CAMK2B: variants seen among roughly 807,000 people sequenced by gnomAD.
The protein encoded by CAMK2B is calcium/calmodulin-dependent protein kinase type II subunit beta.
CAMK2B carries 27 observed loss-of-function variants against 93.7 expected under a neutral mutation model. The ratio of observed to expected loss-of-function variants is 0.29; its 90% CI spans 0.21 to 0.40. The LOEUF is 0.40. Among genes scored for constraint, CAMK2B ranks in the 10% least tolerant of loss-of-function variants. The pLI is 1.00. For synonymous variants in CAMK2B, 374 were observed against 358.8 expected (o/e 1.04, Z -0.48); for missense variants, 568 against 895.8 (o/e 0.63, Z 4.67).
chr7:44,294,628 T>C, intron 1 of CAMK2B, among the ~76,000 whole-genome samples: 1 of 152,182 alleles, frequency 6.6e-6, no homozygotes, highest in Non-Finnish European at 1.5e-5. Flanking sequence ...CAGTCCCTCC[T>C]GATTTGTACA....
intron 2 of CAMK2B, among the ~76,000 whole-genome samples, chr7:44,270,057 T>G (rs1181000248): frequency 6.6e-6 from 1 of 151,192 alleles, no homozygotes; most frequent in African/African-American, 2.4e-5. Context: ...TGACACAGGG[T>G]GGGTGCTCAA....
intron 1 of CAMK2B, among the ~76,000 whole-genome samples, chr7:44,294,504 G>A (rs1787754712): frequency 6.6e-6 from 1 of 152,170 alleles, no homozygotes; most frequent in South Asian, 2.1e-4. Flanking sequence ...CCCTGTGATT[G>A]ATTGGCAATG....
intron 2 of CAMK2B, among the ~76,000 whole-genome samples, chr7:44,265,848 T>A (rs538500762): frequency 1.3e-5 from 2 of 152,106 alleles, no homozygotes; most frequent in South Asian, 4.2e-4. Flanking sequence ...TCCCAGCAGC[T>A]GCAGTAAGTT....
At chr7:44,319,264 C>T (rs377595818) in intron 1 of CAMK2B, among the ~76,000 whole-genome samples, 1 of 152,132 alleles carries the variant, frequency 6.6e-6, no homozygotes, top group Non-Finnish European at 1.5e-5. Flanking sequence ...GGTGGCATCA[C>T]GGAACACAGG....
rs889600459 is a variant in CAMK2B at position 44,299,642 on chromosome 7, A to T, written c.66-15417T>A. ...GAACTGTCTACATTAATTAGAGAAA[A>T]CAATCATTTTAGGATCAATAATTTG... On this transcript the variant is annotated intron_variant, in intron 1 of 23. Transcript: ENST00000395749. Among the ~76,000 whole-genome samples, 16 of 152,318 alleles carry T rather than the reference A, an allele frequency of 1.1e-4. No individual in the cohort carries two copies. In the South Asian group the frequency reaches 3.3e-3, roughly 32 times the overall value.
intron 1 of CAMK2B, among the ~76,000 whole-genome samples, chr7:44,299,921 T>G (rs961846258): frequency 2.0e-5 from 3 of 152,060 alleles, no homozygotes; most frequent in Non-Finnish European, 4.4e-5. Context: ...TACCATAATT[T>G]AAAAAAGTAA....
Position 44,286,860 on chromosome 7 carries a change from G to A in CAMK2B, c.66-2635C>T, listed in dbSNP as rs1785273106. Reference sequence around the variant, plus strand: ...AAGGCATGGCTGGGGGCCTCGGGATGAGTGTGGAGTGGGAGCACCAGGCCG... The same window carrying A: ...AAGGCATGGCTGGGGGCCTCGGGATAAGTGTGGAGTGGGAGCACCAGGCCG... On this transcript the variant is annotated intron_variant, in intron 1 of 23. Transcript: ENST00000395749. The surrounding 1 kb of genome is among the most constrained non-coding windows in gnomAD (Gnocchi z 4.0). Among the ~76,000 whole-genome samples, 1 of 152,082 alleles carries A rather than the reference G, an allele frequency of 6.6e-6. No homozygotes were observed. Among genetic ancestry groups the A allele is most frequent in the South Asian group, 2.1e-4 (1 of 4,818 alleles).
chr7:44,228,839 C>CG lies in CAMK2B; in HGVS notation c.1424dup (p.Pro476AlafsTer20). On this transcript the variant is annotated frameshift_variant, in exon 19 of 24. Transcript: ENST00000395749. LOFTEE classifies it high-confidence loss of function. ...CTAGGAGAGCCGGAGACAGGCAGGG[C>CG]GGGGGCCCCGCTGAGAGGGGGCCCT... 6.7e-7 allele frequency: 1 copy of CG among 1,497,644 alleles called. No individual in the cohort carries two copies. Among genetic ancestry groups the CG allele is most frequent in the Middle Eastern group, 1.8e-4 (1 of 5,418 alleles). The allele number at this position is 1,497,644 out of a possible 1,614,324, so 92.8% of individuals were successfully genotyped here. A position where few individuals can be genotyped will look rare whatever the true frequency, so the allele number is the denominator to read the frequency against.
chr7:44,249,147 C>T (rs1012162563), intron 5 of CAMK2B, among the ~76,000 whole-genome samples: 9 of 152,212 alleles, frequency 5.9e-5, no homozygotes, highest in African/African-American at 2.2e-4. Flanking sequence ...ATGCTGCCCT[C>T]ATCTGCCTGG....
intron 1 of CAMK2B, among the ~76,000 whole-genome samples, chr7:44,323,113 C>G (rs192445773): frequency 6.6e-6 from 1 of 152,234 alleles, no homozygotes; most frequent in Non-Finnish European, 1.5e-5. Context: ...GCTGCACCCC[C>G]GAGGAATCGG....
chr7:44,229,033 C>T lies in CAMK2B; in HGVS notation c.1340-109G>A, dbSNP rs949735810. ...TCCCGTGTTCTAGACCCCTTGGGCC[C>T]TGGGATCAGGCCCTGAATCAGAGCC... On this transcript the variant is annotated intron_variant, in intron 18 of 23. Transcript: ENST00000395749. 4 of 1,058,190 alleles carry T rather than the reference C, an allele frequency of 3.8e-6. No individual in the cohort carries two copies. The African/African-American group carries it at 6.3e-5, about 17-fold the overall frequency. 65.6% of individuals were successfully genotyped at this position (1,058,190 alleles called of 1,614,324 possible).
intron 16 of CAMK2B, 124 bp downstream of exon 16, chr7:44,232,698 G>C: frequency 1.3e-6 from 1 of 795,418 alleles, no homozygotes; most frequent in South Asian, 1.5e-5. Flanking sequence ...ACCGTACTGC[G>C]GGGAGGGGCG....
At chr7:44,297,497 A>G (rs1041685287) in intron 1 of CAMK2B, among the ~76,000 whole-genome samples, 2 of 152,250 alleles carry the variant, frequency 1.3e-5, no homozygotes, top group Non-Finnish European at 2.9e-5. Context: ...AACTATATCA[A>G]TAATCACTTT....
chr7:44,295,032 G>C (rs1787918032), intron 1 of CAMK2B, among the ~76,000 whole-genome samples: 1 of 152,200 alleles, frequency 6.6e-6, no homozygotes, highest in African/African-American at 2.4e-5. Flanking sequence ...AAGATGGGAG[G>C]TTTGAATCAG....
At chr7:44,320,205 C>T (rs766494455) in intron 1 of CAMK2B, among the ~76,000 whole-genome samples, 12 of 151,984 alleles carry the variant, frequency 7.9e-5, no homozygotes, top group Non-Finnish European at 1.3e-4. Context: ...GATGACGAAA[C>T]GAAGTAACAT....
chr7:44,250,598 C>T (rs1339314539), intron 5 of CAMK2B, among the ~76,000 whole-genome samples: 5 of 149,150 alleles, frequency 3.4e-5, no homozygotes, highest in South Asian at 4.2e-4. Context: ...GGCGCGAACT[C>T]GGCTCACTGC....
rs1381202326 is a variant in CAMK2B, at chr7:44,312,160, C to G, written c.65+13197G>C. Among the ~76,000 whole-genome samples the G allele has an allele frequency of 6.6e-6, 1 of 152,224 alleles. No homozygotes were observed. Among genetic ancestry groups the G allele is most frequent in the African/African-American group, 2.4e-5 (1 of 41,458 alleles). ...ACTGGAGTCACAGGGAGGCTGTGCT[C>G]TGGTCCATCCACACTCCAGAGCCTC... On this transcript the variant is annotated intron_variant, in intron 1 of 23. Transcript: ENST00000395749. The surrounding 1 kb of genome is among the most constrained non-coding windows in gnomAD (Gnocchi z 4.1).
intron 1 of CAMK2B, among the ~76,000 whole-genome samples, chr7:44,293,231 G>A (rs895944228): frequency 5.9e-5 from 9 of 152,196 alleles, no homozygotes; most frequent in African/African-American, 1.2e-4. Context: ...ACTGAGCGCC[G>A]GCTCATCCTC....
chr7:44,242,878 T>G (rs1227273495), intron 8 of CAMK2B, among the ~76,000 whole-genome samples: 1 of 152,174 alleles, frequency 6.6e-6, no homozygotes, highest in Non-Finnish European at 1.5e-5. Flanking sequence ...GAGGGTGATG[T>G]CAAGCCCCTC....
Sources: allele counts gnomAD v4.1 joint callset (sites outside exome capture counted in the v4.1 genomes callset), GRCh38; gene constraint gnomAD v4.1.1; non-coding constraint Gnocchi (gnomAD v3.1); transcripts MANE v1.5; gene names NCBI Gene and HGNC (gene_info 2026-07-23, HGNC 2026-07-21).